The following FRAS1 variants were observed in gnomAD, a reference collection of about 807,000 sequenced individuals.
FRAS1 encodes Fraser extracellular matrix complex subunit 1.
A neutral mutation model predicts 435.2 loss-of-function variants in FRAS1; 290 were observed. The observed-to-expected ratio is 0.67, with a 90% CI of 0.61 to 0.73. The LOEUF (loss-of-function observed/expected upper bound fraction) is 0.73, where lower values mean the gene tolerates loss of function less well. Ranked by LOEUF, FRAS1 falls within the 30% of genes least tolerant of loss-of-function variation. The probability of loss-of-function intolerance (pLI) is 0.00; values close to 1 mark genes in which losing one functional copy is unlikely to be tolerated. For missense variants in FRAS1, 4,860 were observed against 5,001.5 expected (o/e 0.97, Z 0.85); for synonymous variants, 1,800 against 1,851.0 (o/e 0.97, Z 0.71).
In FRAS1 at chr4:78,100,984, G is replaced by T. The variant is rs551911833; in HGVS notation, c.108+34968G>T. On this transcript the variant is annotated intron_variant, in intron 2 of 73. Coordinates refer to ENST00000512123, the MANE Select transcript of FRAS1 (RefSeq NM_025074.7). The stretch of plus-strand genomic sequence containing the variant: ...TAAAAGTGTACAGGGGAAGGGAAAA[G>T]AAGCTAATGGTAAATCTTTGTTTTG... 6.6e-5 allele frequency among the ~76,000 whole-genome samples: 10 copies of T among 152,270 alleles called. 1 individual carries two copies. In the East Asian group the frequency reaches 1.7e-3, roughly 26 times the overall value.
chr4:78,277,189 C>A (rs575146489), intron 9 of FRAS1, among the ~76,000 whole-genome samples: 12 of 152,264 alleles, frequency 7.9e-5, no homozygotes, highest in African/African-American at 2.6e-4. Flanking sequence ...GTGGGAGTAA[C>A]CCAATTTTCC....
At position 78,475,531 on chromosome 4, in the gene FRAS1, G is replaced by A. The variant is rs372536870; in HGVS notation, c.7776G>A (p.Glu2592=). ...ATGCCATCGTCCTGTGTCGCACCGA[G>A]CAAGGCACCGCCAGCTCCAGCTCCA... ...NQYAIVLCRT[E]QGTASSSSRV... The change falls in exon 54 of 74, where the codon GAG becomes GAA. Residue 2592 remains glutamate, a synonymous_variant. Coordinates refer to ENST00000512123, the MANE Select transcript of FRAS1 (RefSeq NM_025074.7). 3.7e-6 allele frequency: 6 copies of A among 1,613,726 alleles called. No individual in the cohort carries two copies. In the African/African-American group the frequency reaches 8.0e-5, roughly 22 times the overall value.
At chr4:78,430,207 T>C in intron 36 of FRAS1, 85 bp from the exon 37 acceptor site, 2 of 1,541,256 alleles carry the variant, frequency 1.3e-6, no homozygotes, top group Non-Finnish European at 1.8e-6. Context: ...GCATGACTCC[T>C]AGCCTGGCCT....
chr4:78,269,769 T>A (rs959385160), intron 9 of FRAS1, among the ~76,000 whole-genome samples: 1 of 152,220 alleles, frequency 6.6e-6, no homozygotes, highest in Non-Finnish European at 1.5e-5. Flanking sequence ...TGAACCTTAA[T>A]TCAGGTGAAG....
At chr4:78,530,688 A>G (rs1027285717) in intron 70 of FRAS1, among the ~76,000 whole-genome samples, 5 of 152,044 alleles carry the variant, frequency 3.3e-5, no homozygotes, top group South Asian at 2.1e-4. Context: ...GTTCTGTTCC[A>G]TTGGTCTATA....
intron 67 of FRAS1, among the ~76,000 whole-genome samples, chr4:78,521,226 A>T (rs900822087): frequency 5.3e-5 from 8 of 152,178 alleles, no homozygotes; most frequent in Non-Finnish European, 8.8e-5. Flanking sequence ...TGATAGTAAG[A>T]AGTTTTAAGA....
At chr4:78,464,923 G>A (rs1361021526) in intron 49 of FRAS1, among the ~76,000 whole-genome samples, 1 of 152,132 alleles carries the variant, frequency 6.6e-6, no homozygotes, top group Non-Finnish European at 1.5e-5. Flanking sequence ...CCATTAGCAT[G>A]AACAGGGATT....
intron 29 of FRAS1, among the ~76,000 whole-genome samples, chr4:78,390,422 A>G (rs7696075): frequency 0.45 from 69,168 of 152,132 alleles, 16,899 homozygotes; most frequent in African/African-American, 0.64. Context: ...TTTCATAAAG[A>G]TACTTAGTGC....
rs1450395943 is a variant in FRAS1, at chr4:78,332,675, A to G, written c.2138-597A>G. On this transcript the variant is annotated intron_variant, in intron 18 of 73. Transcript: ENST00000512123. ...TGAGAAATGAGTTAGTCAAAGTCAC[A>G]TAGAGCTATGCTGTGATGCTCTTAT... 5.9e-5 allele frequency among the ~76,000 whole-genome samples: 9 copies of G among 152,098 alleles called. No individual in the cohort carries two copies. The East Asian group carries it at 7.7e-4, about 13-fold the overall frequency.
intron 2 of FRAS1, among the ~76,000 whole-genome samples, chr4:78,151,410 C>T (rs939287661): frequency 1.3e-5 from 2 of 152,116 alleles, no homozygotes; most frequent in African/African-American, 4.8e-5. Context: ...AGACACAATT[C>T]CTGCCCTCAG....
intron 2 of FRAS1, among the ~76,000 whole-genome samples, chr4:78,092,990 C>G (rs1427641301): frequency 6.6e-6 from 1 of 152,164 alleles, no homozygotes; most frequent in Non-Finnish European, 1.5e-5. Flanking sequence ...AAAAACTCAG[C>G]AGGCTTTAAC....
intron 20 of FRAS1, among the ~76,000 whole-genome samples, chr4:78,357,251 CATT>C (rs2110288223): frequency 6.6e-6 from 1 of 152,266 alleles, no homozygotes; most frequent in Admixed American, 6.5e-5. Context: ...GGCACCCTAT[CATT>C]ATCCCTGTAG....
Position 78,282,826 on chromosome 4 carries a change from G to C in FRAS1, c.1114G>C (p.Glu372Gln), listed in dbSNP as rs753141845. 5 of 1,613,264 alleles carry C rather than the reference G, an allele frequency of 3.1e-6. No homozygotes were observed. Among genetic ancestry groups the C allele is most frequent in the Non-Finnish European group, 4.2e-6 (5 of 1,179,714 alleles). ...ASEVKRIPEG[E>Q]KWEDGPCKVC... ...TCTTCACTTTTTTGCGTAGGAGGGA[G>C]AGAAGTGGGAAGATGGCCCTTGCAA... The change falls in exon 12 of 74, where the codon GAG (glutamate) becomes CAG (glutamine). Residue 372 changes from glutamate to glutamine, a missense_variant. Glu to Gln is a conservative substitution (Grantham distance 29). Coordinates refer to ENST00000512123, the MANE Select transcript of FRAS1 (RefSeq NM_025074.7).
intron 2 of FRAS1, among the ~76,000 whole-genome samples, chr4:78,237,162 G>T (rs17003070): frequency 6.6e-6 from 1 of 151,966 alleles, no homozygotes; most frequent in South Asian, 2.1e-4. Flanking sequence ...TCCTTTAAAC[G>T]TGCTCCAGTG....
At chr4:78,487,043 C>T (rs1040351275) in intron 58 of FRAS1, among the ~76,000 whole-genome samples, 1 of 152,186 alleles carries the variant, frequency 6.6e-6, no homozygotes, top group African/African-American at 2.4e-5. Context: ...CTTCAGATAT[C>T]TGCTGGGAGC....
chr4:78,195,714 C>A (rs545157659), intron 2 of FRAS1, among the ~76,000 whole-genome samples: 1 of 152,154 alleles, frequency 6.6e-6, no homozygotes, highest in Non-Finnish European at 1.5e-5. Flanking sequence ...TGACCCCTTG[C>A]GCTTCCCCGG....
chr4:78,367,653 A>G (rs528548669), intron 22 of FRAS1, among the ~76,000 whole-genome samples: 133 of 150,914 alleles, frequency 8.8e-4, no homozygotes, highest in Non-Finnish European at 1.4e-3. Flanking sequence ...TTTTTTTTCT[A>G]TAGGAACTGC....
intron 2 of FRAS1, among the ~76,000 whole-genome samples, chr4:78,225,818 C>T (rs907848558): frequency 3.3e-5 from 5 of 152,124 alleles, no homozygotes; most frequent in Non-Finnish European, 7.4e-5. Flanking sequence ...ATAATAATGG[C>T]TCTCAATGTT....
At chr4:78,339,002 A>T (rs1472556690) in intron 20 of FRAS1, among the ~76,000 whole-genome samples, 1 of 151,954 alleles carries the variant, frequency 6.6e-6, no homozygotes, top group Non-Finnish European at 1.5e-5. Flanking sequence ...AAGTGTAGAG[A>T]CTGTGCAAGC....
Sources: allele counts gnomAD v4.1 joint callset (sites outside exome capture counted in the v4.1 genomes callset), GRCh38; gene constraint gnomAD v4.1.1; transcripts MANE v1.5; gene names NCBI Gene and HGNC (gene_info 2026-07-23, HGNC 2026-07-21).